The following SFT2D2 variants were observed in gnomAD, a reference collection of about 807,000 sequenced individuals.
SFT2D2 encodes vesicle transport protein SFT2B.
SFT2D2 carries 21 observed loss-of-function variants against 27.4 expected under a neutral mutation model. That is an observed-to-expected ratio of 0.77 (90% CI 0.54 to 1.10). SFT2D2 has a LOEUF of 1.10. Among genes scored for constraint, SFT2D2 ranks in the 50% least tolerant of loss-of-function variants. The pLI is 0.00. For missense variants in SFT2D2, 187 were observed against 194.2 expected, an observed-to-expected ratio of 0.96 and a Z score of 0.22; for synonymous variants, 72 against 71.7, an observed-to-expected ratio of 1.00 and a Z score of -0.02.
Position 168,240,106 on chromosome 1 carries a change from C to T in SFT2D2, c.443+946C>T, listed in dbSNP as rs1189890640. Among the ~76,000 whole-genome samples the T allele has an allele frequency of 6.9e-5, 10 of 145,256 alleles. No homozygotes were observed. In the East Asian group the frequency reaches 8.2e-4, roughly 12 times the overall value. ...AGGAGAATGGCGTGAACCCAGGAGG[C>T]GGAGCTTGCAGTGAGTCGAGATGGC... is the stretch of plus-strand genomic sequence containing the variant. On this transcript the variant is annotated intron_variant, in intron 7 of 7. Transcript: ENST00000271375.
chr1:168,236,721 A>G lies in SFT2D2; in HGVS notation c.364A>G (p.Lys122Glu). ...ATTATTATTTTTCCAGTGGCATAAC[A>G]AGGGACTTGCACTTATCTTCTGCAT... Reference protein sequence around the residue: ...TLCSAFWWHNKGLALIFCILQ... With the variant: ...TLCSAFWWHNEGLALIFCILQ... The change falls in exon 6 of 8, where the codon AAG becomes GAG. Residue 122 changes from lysine to glutamate, a missense_variant. Coordinates refer to ENST00000271375, the MANE Select transcript of SFT2D2 (RefSeq NM_199344.3). 1 of 1,614,208 alleles carries G rather than the reference A, an allele frequency of 6.2e-7. No homozygotes were observed. The highest frequency in any genetic ancestry group is 8.5e-7 in the Non-Finnish European group (1 of 1,180,052).
rs1647772556 is a variant in SFT2D2 at position 168,245,044 on chromosome 1, C to G, written c.*2504C>G. On this transcript the variant is annotated 3_prime_UTR_variant, in exon 8 of 8. Coordinates refer to ENST00000271375, the MANE Select transcript of SFT2D2 (RefSeq NM_199344.3). ...AATAAGACAGAGATGTCAACTCTTA[C>G]CACTTCTATTCAACGTTGTACTGAA... The G allele has an allele frequency of 1.3e-5, 2 of 152,238 alleles. No homozygotes were observed. The highest frequency in any genetic ancestry group is 1.9e-4 in the East Asian group (1 of 5,180). 9.4% of individuals were successfully genotyped at this position (152,238 alleles called of 1,614,324 possible).
intron 3 of SFT2D2, among the ~76,000 whole-genome samples, chr1:168,232,584 G>A (rs1029889788): frequency 1.3e-5 from 2 of 152,140 alleles, no homozygotes; most frequent in East Asian, 1.9e-4. Context: ...TCAGAGTCCT[G>A]GGGGTCCAAG....
At position 168,244,637 on chromosome 1, in the gene SFT2D2, C is replaced by G. The variant is rs1191702484; in HGVS notation, c.*2097C>G. 1 of 152,306 alleles carries G rather than the reference C, an allele frequency of 6.6e-6. No individual in the cohort carries two copies. The highest frequency in any genetic ancestry group is 1.5e-5 in the Non-Finnish European group (1 of 68,124). The allele number at this position is 152,306 out of a possible 1,614,324, so 9.4% of individuals were successfully genotyped here. A position where few individuals can be genotyped will look rare whatever the true frequency, so the allele number is the denominator to read the frequency against. ...CAGGAAAGGAAATTTTATGCTACCC[C>G]TCTGGCTTTTGTGGGATTCTTTCAC... On this transcript the variant is annotated 3_prime_UTR_variant, in exon 8 of 8. Transcript: ENST00000271375.
In SFT2D2 at chr1:168,244,046, C is replaced by G. The variant is rs2102334962; in HGVS notation, c.*1506C>G. On this transcript the variant is annotated 3_prime_UTR_variant, in exon 8 of 8. Transcript: ENST00000271375. Reference sequence around the variant, plus strand: ...TTGCCTTTCTGTTCTTTGCACAGGGCCAACTGGTCCACTAGGGCTCCTCCT... The same window carrying G: ...TTGCCTTTCTGTTCTTTGCACAGGGGCAACTGGTCCACTAGGGCTCCTCCT... 6.6e-6 allele frequency: 1 copy of G among 152,414 alleles called. No homozygotes were observed. The highest frequency in any genetic ancestry group is 2.1e-4 in the South Asian group (1 of 4,816). 9.4% of individuals were successfully genotyped at this position (152,414 alleles called of 1,614,324 possible).
At chr1:168,242,449 G>A in intron 7 of SFT2D2, 52 bp from the exon 8 acceptor site, 1 of 1,610,020 alleles carries the variant, frequency 6.2e-7, no homozygotes, top group Non-Finnish European at 8.5e-7. Context: ...CTCTAAAGGA[G>A]TGCCTTTGGG....
chr1:168,232,018 G>A, intron 3 of SFT2D2, 99 bp downstream of exon 3: 1 of 934,892 alleles, frequency 1.1e-6, no homozygotes, highest in Non-Finnish European at 1.7e-6. Context: ...TCCAGTAGTT[G>A]TAAGGAATTT....
At chr1:168,226,228 C>G (rs540766939) in intron 1 of SFT2D2, 86 bp downstream of exon 1, 1 of 1,259,922 alleles carries the variant, frequency 7.9e-7, no homozygotes, top group Admixed American at 2.8e-5. Context: ...TGCGGGGACT[C>G]CCTGGAGTTT....
At chr1:168,228,766 C>G (rs992860997) in intron 1 of SFT2D2, among the ~76,000 whole-genome samples, 2 of 152,146 alleles carry the variant, frequency 1.3e-5, no homozygotes, top group Non-Finnish European at 2.9e-5. Flanking sequence ...TGAAAGGGAC[C>G]TTTGTGAATA....
rs1356851464 is a variant in SFT2D2 at position 168,246,199 on chromosome 1, A to G, written c.*3659A>G. 1 of 268,488 alleles carries G rather than the reference A, an allele frequency of 3.7e-6. No homozygotes were observed. The allele number at this position is 268,488 out of a possible 1,614,324, so 16.6% of individuals were successfully genotyped here. On this transcript the variant is annotated 3_prime_UTR_variant, in exon 8 of 8. Transcript: ENST00000271375. ...TGATCATCCTCTTGTTCTTCTAGCAAAAGACGGTGCTTTATGCACTCAGCT... is the reference window on the plus strand; with the variant it reads ...TGATCATCCTCTTGTTCTTCTAGCAGAAGACGGTGCTTTATGCACTCAGCT...
In SFT2D2 at chr1:168,236,719, A is replaced by G; in HGVS notation, c.362A>G (p.Asn121Ser). The G allele has an allele frequency of 6.2e-7, 1 of 1,614,224 alleles. No individual in the cohort carries two copies. Among genetic ancestry groups the G allele is most frequent in the Middle Eastern group, 1.6e-4 (1 of 6,062 alleles). Residue 121 changes from asparagine (N) to serine (S), a missense_variant, in exon 6 of 8, where the codon AAC becomes AGC. By Grantham distance (46) the Asn-to-Ser change is conservative. Coordinates refer to ENST00000271375, the MANE Select transcript of SFT2D2 (RefSeq NM_199344.3). ...ATATTATTATTTTTCCAGTGGCATA[A>G]CAAGGGACTTGCACTTATCTTCTGC... ...LTLCSAFWWH[N>S]KGLALIFCIL... is the part of the protein sequence containing the mutation.
At chr1:168,233,425 AAGC>A (rs1188361094) in intron 3 of SFT2D2, among the ~76,000 whole-genome samples, 1 of 152,198 alleles carries the variant, frequency 6.6e-6, no homozygotes, top group Non-Finnish European at 1.5e-5. Flanking sequence ...TTAGATCTGT[AAGC>A]CACTTGATAA....
intron 3 of SFT2D2, among the ~76,000 whole-genome samples, chr1:168,232,144 T>C (rs1425213080): frequency 6.6e-6 from 1 of 152,224 alleles, no homozygotes; most frequent in Non-Finnish European, 1.5e-5. Flanking sequence ...TGATTTTACA[T>C]GTACAGAAAC....
In SFT2D2 at chr1:168,251,593, G is replaced by A. The variant is rs748124095; in HGVS notation, c.*9053G>A. Reference sequence around the variant, plus strand: ...AGAGTCGACGGTAGGATTATAAATGGTTTAAAATACGTATTCTCAAACCTC... The same window carrying A: ...AGAGTCGACGGTAGGATTATAAATGATTTAAAATACGTATTCTCAAACCTC... On this transcript the variant is annotated 3_prime_UTR_variant, in exon 8 of 8. Coordinates refer to ENST00000271375, the MANE Select transcript of SFT2D2 (RefSeq NM_199344.3). 1 of 152,012 alleles carries A rather than the reference G, an allele frequency of 6.6e-6. No individual in the cohort carries two copies. Among genetic ancestry groups the A allele is most frequent in the Non-Finnish European group, 1.5e-5 (1 of 68,008 alleles). 9.4% of individuals were successfully genotyped at this position (152,012 alleles called of 1,614,324 possible). A position where few individuals can be genotyped will look rare whatever the true frequency, so the allele number is the denominator to read the frequency against.
intron 6 of SFT2D2, among the ~76,000 whole-genome samples, chr1:168,238,151 G>T (rs1404955477): frequency 6.6e-6 from 1 of 152,012 alleles, no homozygotes; most frequent in Admixed American, 6.6e-5. Flanking sequence ...CCTTGTATAT[G>T]GTTTCCTTCT....
At chr1:168,228,961 T>C (rs544036423) in intron 1 of SFT2D2, among the ~76,000 whole-genome samples, 1 of 152,362 alleles carries the variant, frequency 6.6e-6, no homozygotes, top group Admixed American at 6.5e-5. Flanking sequence ...TGAGTCCAGT[T>C]ATGAGAAGTG....
Position 168,246,590 on chromosome 1 carries a change from C to A in SFT2D2, c.*4050C>A. On this transcript the variant is annotated 3_prime_UTR_variant, in exon 8 of 8. Transcript: ENST00000271375. ...ATCAGAACATGAGAATTCAAATTTT[C>A]CTGTAAATGACGCAATTTATCTACT... 3 of 1,507,472 alleles carry A rather than the reference C, an allele frequency of 2.0e-6. No homozygotes were observed. The highest frequency in any genetic ancestry group is 1.8e-6 in the Non-Finnish European group (2 of 1,101,112). The allele number at this position is 1,507,472 out of a possible 1,614,324, so 93.4% of individuals were successfully genotyped here.
chr1:168,236,465 T>G, intron 4 of SFT2D2, 124 bp from the exon 5 acceptor site: 1 of 853,600 alleles, frequency 1.2e-6, no homozygotes, highest in Non-Finnish European at 1.8e-6. Context: ...GGTGCTCAGG[T>G]GGGTTAACTG....
chr1:168,240,116 A>G (rs956930380), intron 7 of SFT2D2, among the ~76,000 whole-genome samples: 2 of 149,392 alleles, frequency 1.3e-5, no homozygotes, highest in African/African-American at 4.9e-5. Flanking sequence ...CGGAGCTTGC[A>G]GTGAGTCGAG....
Sources: allele counts gnomAD v4.1 joint callset (sites outside exome capture counted in the v4.1 genomes callset), GRCh38; gene constraint gnomAD v4.1.1; transcripts MANE v1.5; gene names NCBI Gene and HGNC (gene_info 2026-07-23, HGNC 2026-07-21).